EGF: variants seen among roughly 807,000 people sequenced by gnomAD.
EGF encodes epidermal growth factor, also known as pro-epidermal growth factor.
EGF carries 95 observed loss-of-function variants against 143.8 expected under a neutral mutation model. The ratio of observed to expected loss-of-function variants is 0.66; its 90% CI spans 0.56 to 0.78. The LOEUF (loss-of-function observed/expected upper bound fraction) is 0.78. Ranked by LOEUF, EGF falls within the 30% of genes least tolerant of loss-of-function variation. The probability of loss-of-function intolerance (pLI) is 0.00; values close to 1 mark genes in which losing one functional copy is unlikely to be tolerated. For synonymous variants in EGF, 510 were observed against 510.5 expected, an observed-to-expected ratio of 1.00 and a Z score of 0.01; for missense variants, 1,320 against 1,470.9, an observed-to-expected ratio of 0.90 and a Z score of 1.68.
At chr4:110,005,035 TC>T (rs1412504244) in intron 22 of EGF, among the ~76,000 whole-genome samples, 1 of 137,500 alleles carries the variant, frequency 7.3e-6, no homozygotes, top group African/African-American at 2.9e-5. Flanking sequence ...TTTTTCTCTG[TC>T]TTTTTTTTTT....
Position 109,943,999 on chromosome 4 carries a change from G to A in EGF, c.667G>A (p.Gly223Arg). ...GTTTTGGATTCAGTACAACAGAGAAGGAAGCAATTCTCTTATTTGCTCCTG... is the reference window on the plus strand; with the variant it reads ...GTTTTGGATTCAGTACAACAGAGAAAGAAGCAATTCTCTTATTTGCTCCTG... ...RLFWIQYNRE[G>R]SNSLICSCDY... Residue 223 changes from glycine (G) to arginine (R), a missense_variant, in exon 4 of 24, where the codon GGA (glycine) becomes AGA (arginine). Physicochemically the swap from Gly to Arg is moderately radical, Grantham distance 125. This residue lies in a region of EGF where 1,186 missense variants were observed against 1,313.7 expected (regional missense o/e 0.90). Coordinates refer to ENST00000265171, the MANE Select transcript of EGF (RefSeq NM_001963.6). 1 of 1,614,200 alleles carries A rather than the reference G, an allele frequency of 6.2e-7. No individual in the cohort carries two copies. Among genetic ancestry groups the A allele is most frequent in the South Asian group, 1.1e-5 (1 of 91,086 alleles).
chr4:109,957,156 T>G (rs1744923473), intron 5 of EGF, among the ~76,000 whole-genome samples: 1 of 152,200 alleles, frequency 6.6e-6, no homozygotes, highest in African/African-American at 2.4e-5. Flanking sequence ...AAATAAAATT[T>G]ATGGGAGGCA....
intron 23 of EGF, among the ~76,000 whole-genome samples, chr4:110,010,988 C>A (rs879923066): frequency 1.3e-5 from 2 of 151,592 alleles, no homozygotes; most frequent in Non-Finnish European, 2.9e-5. Flanking sequence ...CTGTGGTGAG[C>A]TGTGACTGTG....
At chr4:110,000,644 T>C (rs1419280918) in intron 21 of EGF, among the ~76,000 whole-genome samples, 1 of 152,252 alleles carries the variant, frequency 6.6e-6, no homozygotes, top group East Asian at 1.9e-4. Context: ...ATTTATACAT[T>C]TAATTCTTTA....
At chr4:109,968,737 T>C (rs980171873) in intron 10 of EGF, 21 of 512,774 alleles carry the variant, frequency 4.1e-5, no homozygotes, top group Non-Finnish European at 6.7e-5. Flanking sequence ...CCTAATAAGA[T>C]TGATATTATT....
chr4:109,939,419 G>A (rs1460377766), intron 1 of EGF, among the ~76,000 whole-genome samples: 3 of 152,234 alleles, frequency 2.0e-5, no homozygotes, highest in Non-Finnish European at 2.9e-5. Context: ...GGACAAAAGT[G>A]TACAGTTCCT....
At position 110,013,638 on chromosome 4, in the gene EGF, CCTAA is replaced by C. The variant is rs1754165467; in HGVS notation, c.*2186_*2189del. On this transcript the variant is annotated 3_prime_UTR_variant, in exon 24 of 24. Transcript: ENST00000265171. ...TTTTCCAGACTGAATACTTTTCCTC[CCTAA>C]CTCTCATCGTCTCATTGCGCGCAAC... Among the ~76,000 whole-genome samples, 1 of 151,978 alleles carries C rather than the reference CCTAA, an allele frequency of 6.6e-6. No individual in the cohort carries two copies.
At chr4:109,919,698 G>A (rs930100756) in intron 1 of EGF, among the ~76,000 whole-genome samples, 3 of 150,188 alleles carry the variant, frequency 2.0e-5, no homozygotes, top group African/African-American at 7.6e-5. Context: ...CATTGGTGTG[G>A]CCAGAGATCA....
chr4:109,948,659 T>C (rs758595499), intron 5 of EGF, among the ~76,000 whole-genome samples: 33 of 152,028 alleles, frequency 2.2e-4, no homozygotes, highest in Non-Finnish European at 4.1e-4. Flanking sequence ...AATTTTGTTG[T>C]GTTTTTGGTA....
chr4:109,948,497 G>C lies in EGF; in HGVS notation c.940+3222G>C, dbSNP rs190299104. Among the ~76,000 whole-genome samples, 805 of 151,640 alleles carry C rather than the reference G, an allele frequency of 5.3e-3. 5 individuals carry two copies. The highest frequency in any genetic ancestry group is 0.018 in the African/African-American group (749 of 41,366). On this transcript the variant is annotated intron_variant, in intron 5 of 23. Transcript: ENST00000265171. ...TTGACATCCTTCGGATTTTTTTTTG[G>C]GGGGGTGGATGAAGTCTGGCTCTGT...
At chr4:109,961,433 C>T (rs568621068) in intron 7 of EGF, among the ~76,000 whole-genome samples, 48 of 152,252 alleles carry the variant, frequency 3.2e-4, no homozygotes, top group African/African-American at 1.1e-3. Context: ...GGTTGGGAAA[C>T]AAATCATCTA....
Position 109,963,204 on chromosome 4 carries a change from C to T in EGF, c.1344C>T (p.Ser448=), listed in dbSNP as rs1221987884. 6.2e-7 allele frequency: 1 copy of T among 1,613,994 alleles called. No individual in the cohort carries two copies. Among genetic ancestry groups the T allele is most frequent in the East Asian group, 2.2e-5 (1 of 44,874 alleles). Residue 448 remains serine (S), a synonymous_variant, in exon 9 of 24, where the codon AGC becomes AGT. Coordinates refer to ENST00000265171, the MANE Select transcript of EGF (RefSeq NM_001963.6). ...GCSSPDNGGC[S]QLCVPLSPVS... ...CCTCACCCGATAATGGTGGATGTAG[C>T]CAGCTCTGCGTTCCTCTTAGCCCAG...
intron 21 of EGF, chr4:110,002,159 C>A: frequency 1.9e-6 from 1 of 539,946 alleles, no homozygotes; most frequent in South Asian, 8.1e-5. Context: ...TCTTGTCTAG[C>A]TTGTTTGATA....
At chr4:109,965,010 C>T (rs186800855) in intron 10 of EGF, among the ~76,000 whole-genome samples, 23 of 152,110 alleles carry the variant, frequency 1.5e-4, no homozygotes, top group Admixed American at 5.9e-4. Context: ...AATCAGGGAA[C>T]GTAAGTTTTA....
In EGF at chr4:109,983,502, G is replaced by A; in HGVS notation, c.2452G>A (p.Glu818Lys). Residue 818 changes from glutamate to lysine, a missense_variant, in exon 16 of 24, where the codon GAA (glutamate) becomes AAA (lysine). By Grantham distance (56) the Glu-to-Lys change is moderately conservative. Transcript: ENST00000265171. ...KTRVSEDNITESQHMLVAEIM... is the reference protein window; with the variant it reads ...KTRVSEDNITKSQHMLVAEIM... ...TAGAGTGTCAGAAGATAACATTACA[G>A]AATCTCAACACATGCTAGTGGCTGA... The A allele has an allele frequency of 6.2e-7, 1 of 1,613,798 alleles. No homozygotes were observed. The highest frequency in any genetic ancestry group is 8.5e-7 in the Non-Finnish European group (1 of 1,179,844).
At chr4:109,932,136 T>C (rs1254091795) in intron 1 of EGF, among the ~76,000 whole-genome samples, 1 of 151,810 alleles carries the variant, frequency 6.6e-6, no homozygotes, top group Non-Finnish European at 1.5e-5. Flanking sequence ...AGACCCATCT[T>C]TTATTAATTT....
intron 20 of EGF, among the ~76,000 whole-genome samples, chr4:109,996,913 AC>A (rs1328160604): frequency 2.0e-5 from 3 of 151,320 alleles, no homozygotes; most frequent in South Asian, 2.1e-4. Context: ...TTAGACCAAG[AC>A]CCCCCAACAT....
chr4:109,971,781 A>G (rs1264359083), intron 11 of EGF, among the ~76,000 whole-genome samples: 3 of 152,202 alleles, frequency 2.0e-5, no homozygotes, highest in Admixed American at 2.0e-4. Flanking sequence ...CAATCTCATA[A>G]TATTAGATCA....
rs369702571 is a variant in EGF at position 109,960,980 on chromosome 4, C to T, written c.1180C>T (p.Arg394Ter). The T allele has an allele frequency of 1.3e-5, 21 of 1,613,794 alleles. No individual in the cohort carries two copies. Among genetic ancestry groups the T allele is most frequent in the Middle Eastern group, 1.7e-4 (1 of 6,058 alleles). ...ATTTGTTCTGCTTCCTGATGGGAAA[C>T]GATGTCATCGTAAGTTATAGCAACA... ...VGFVLLPDGK[R>*]CHQLVSCPRN... is the part of the protein sequence containing the mutation. The change falls in exon 7 of 24, where the codon CGA (arginine) becomes TGA (stop). Residue 394 changes from arginine to a stop codon, truncating the protein, a stop_gained. Coordinates refer to ENST00000265171, the MANE Select transcript of EGF (RefSeq NM_001963.6). LOFTEE classifies it high-confidence loss of function.
Sources: allele counts gnomAD v4.1 joint callset (sites outside exome capture counted in the v4.1 genomes callset), GRCh38; gene constraint gnomAD v4.1.1; regional missense constraint gnomAD v4.1.1; transcripts MANE v1.5; gene names NCBI Gene and HGNC (gene_info 2026-07-23, HGNC 2026-07-21).